The following NUDT3 variants were observed in gnomAD, a reference collection of about 807,000 sequenced individuals.
NUDT3 encodes the protein nudix hydrolase 3, also known as diphosphoinositol polyphosphate phosphohydrolase 1.
NUDT3 carries 9 observed loss-of-function variants against 23.6 expected under a neutral mutation model. That is an observed-to-expected ratio of 0.38 (90% CI 0.23 to 0.66). The LOEUF is 0.66. Ranked by LOEUF, NUDT3 falls within the 30% of genes least tolerant of loss-of-function variation. NUDT3 has a pLI of 0.52. For synonymous variants in NUDT3, 86 were observed against 82.6 expected (o/e 1.04, Z -0.22); for missense variants, 172 against 218.5 (o/e 0.79, Z 1.34).
At chr6:34,289,573 G>T (rs1298543947) in intron 4 of NUDT3, among the ~76,000 whole-genome samples, 1 of 152,130 alleles carries the variant, frequency 6.6e-6, no homozygotes, top group Non-Finnish European at 1.5e-5. Flanking sequence ...CCCAAGGGGG[G>T]AAAAATCAAC....
rs140058263 is a variant in NUDT3 at position 34,376,354 on chromosome 6, G to C, written c.99+15910C>G. Reference sequence around the variant, plus strand: ...CCAGGCTCAAGTGCAATGGCATCTAGTGCAGCCTCGATCTCCCAGGCTCAA... The same window carrying C: ...CCAGGCTCAAGTGCAATGGCATCTACTGCAGCCTCGATCTCCCAGGCTCAA... On this transcript the variant is annotated intron_variant, in intron 1 of 4. Transcript: ENST00000607016. 9.2e-3 allele frequency among the ~76,000 whole-genome samples: 1,400 copies of C among 152,054 alleles called. 15 individuals carry two copies. Among genetic ancestry groups the C allele is most frequent in the Middle Eastern group, 0.024 (7 of 292 alleles).
At chr6:34,391,458 T>C (rs1373884349) in intron 1 of NUDT3, among the ~76,000 whole-genome samples, 4 of 152,198 alleles carry the variant, frequency 2.6e-5, no homozygotes, top group Non-Finnish European at 5.9e-5. Flanking sequence ...GCCGAGATTT[T>C]TTTTTAAAGT....
At chr6:34,289,539 C>G (rs1339586541) in intron 4 of NUDT3, among the ~76,000 whole-genome samples, 2 of 152,166 alleles carry the variant, frequency 1.3e-5, no homozygotes, top group East Asian at 3.9e-4. Flanking sequence ...TGCACTCCAG[C>G]AGGGTGACAG....
intron 1 of NUDT3, among the ~76,000 whole-genome samples, chr6:34,358,291 A>C (rs547785639): frequency 4.1e-4 from 61 of 150,078 alleles, no homozygotes; most frequent in South Asian, 8.5e-4. Context: ...ACACACACAC[A>C]CCCCTTATAA....
rs550442499 is a variant in NUDT3, at chr6:34,369,498, C to T, written c.99+22766G>A. Among the ~76,000 whole-genome samples, 5 of 152,228 alleles carry T rather than the reference C, an allele frequency of 3.3e-5. No individual in the cohort carries two copies. The South Asian group carries it at 1.0e-3, about 32-fold the overall frequency. On this transcript the variant is annotated intron_variant, in intron 1 of 4. Transcript: ENST00000607016. Reference sequence around the variant, plus strand: ...ACAATGGTAAGCAAGACAGAGGAGACGGCTGCTCTGATGAAGTCACAGTTA... The same window carrying T: ...ACAATGGTAAGCAAGACAGAGGAGATGGCTGCTCTGATGAAGTCACAGTTA...
chr6:34,388,693 G>T (rs1765148773), intron 1 of NUDT3, among the ~76,000 whole-genome samples: 1 of 152,154 alleles, frequency 6.6e-6, no homozygotes. Context: ...CTGCAAGAAG[G>T]GATGCTAATA....
chr6:34,360,295 C>A (rs1309692455), intron 1 of NUDT3, among the ~76,000 whole-genome samples: 2 of 149,330 alleles, frequency 1.3e-5, no homozygotes, highest in African/African-American at 2.4e-5. Flanking sequence ...AAACAAACGC[C>A]GGGCACAGTG....
intron 1 of NUDT3, among the ~76,000 whole-genome samples, chr6:34,379,405 C>T (rs13218416): frequency 1.9e-3 from 293 of 151,346 alleles, no homozygotes; most frequent in Middle Eastern, 6.8e-3. Flanking sequence ...ACTAAAAATA[C>T]AAAAATTAGC....
At position 34,381,280 on chromosome 6, in the gene NUDT3, G is replaced by C. The variant is rs188614083; in HGVS notation, c.99+10984C>G. ...CAATCCTCCCACTCGGCTTCCCAAA[G>C]GGCTAAGATTGCAGGTGTGAGTCAC... On this transcript the variant is annotated intron_variant, in intron 1 of 4. Coordinates refer to ENST00000607016, the MANE Select transcript of NUDT3 (RefSeq NM_006703.4). Among the ~76,000 whole-genome samples the C allele has an allele frequency of 5.5e-3, 843 of 152,146 alleles. 11 individuals carry two copies. The highest frequency in any genetic ancestry group is 4.8e-3 in the Non-Finnish European group (327 of 68,020).
At chr6:34,375,730 T>C (rs1164851989) in intron 1 of NUDT3, among the ~76,000 whole-genome samples, 2 of 152,182 alleles carry the variant, frequency 1.3e-5, no homozygotes, top group South Asian at 2.1e-4. Context: ...CCGAAGAAAA[T>C]GTGCTTCTTT....
At chr6:34,381,537 A>G (rs1424526067) in intron 1 of NUDT3, among the ~76,000 whole-genome samples, 4 of 152,146 alleles carry the variant, frequency 2.6e-5, no homozygotes, top group Non-Finnish European at 5.9e-5. Context: ...CCACAGAAAT[A>G]CAATTATTAT....
At chr6:34,300,942 G>A (rs1763589038) in intron 2 of NUDT3, among the ~76,000 whole-genome samples, 1 of 151,944 alleles carries the variant, frequency 6.6e-6, no homozygotes, top group South Asian at 2.1e-4. Context: ...TTACTACTTG[G>A]GTATGTATCC....
intron 2 of NUDT3, 136 bp from the exon 3 acceptor site, chr6:34,295,821 G>T: frequency 2.1e-6 from 2 of 965,732 alleles, no homozygotes; most frequent in Non-Finnish European, 3.1e-6. Context: ...GATCTGTGAA[G>T]TGATACCAGT....
rs771584490 is a variant in NUDT3 at position 34,392,246 on chromosome 6, C to A, written c.99+18G>T. ...CCGGAGACCCGGCGACCCCGGCCCG[C>A]CCAGCCTGCCGCCTCACCTCCTCCT... On this transcript the variant is annotated intron_variant, in intron 1 of 4. Transcript: ENST00000607016. 8 of 1,567,690 alleles carry A rather than the reference C, an allele frequency of 5.1e-6. No individual in the cohort carries two copies. The East Asian group carries it at 1.2e-4, about 23-fold the overall frequency.
At position 34,369,648 on chromosome 6, in the gene NUDT3, C is replaced by T. The variant is rs79559690; in HGVS notation, c.99+22616G>A. ...GAGGGCAACATCAAAGACAGGGAAGCCTTTGGTCTAAGAAAAATCAACATA... is the reference window on the plus strand; with the variant it reads ...GAGGGCAACATCAAAGACAGGGAAGTCTTTGGTCTAAGAAAAATCAACATA... On this transcript the variant is annotated intron_variant, in intron 1 of 4. Coordinates refer to ENST00000607016, the MANE Select transcript of NUDT3 (RefSeq NM_006703.4). Among the ~76,000 whole-genome samples the T allele has an allele frequency of 8.5e-3, 1,295 of 152,256 alleles. 11 individuals are homozygous for T. Among genetic ancestry groups the T allele is most frequent in the African/African-American group, 0.024 (1,002 of 41,552 alleles).
chr6:34,369,686 C>A (rs973783104), intron 1 of NUDT3, among the ~76,000 whole-genome samples: 1 of 152,180 alleles, frequency 6.6e-6, no homozygotes, highest in African/African-American at 2.4e-5. Context: ...GATCTAAAGT[C>A]ATTTACCATG....
At chr6:34,353,568 A>G (rs1488651573) in intron 1 of NUDT3, among the ~76,000 whole-genome samples, 1 of 151,768 alleles carries the variant, frequency 6.6e-6, no homozygotes, top group Admixed American at 6.6e-5. Context: ...CATCCAGCTA[A>G]TTTTTCTATT....
rs140351498 is a variant in NUDT3, at chr6:34,388,355, G to T, written c.99+3909C>A. Among the ~76,000 whole-genome samples, 5 of 152,096 alleles carry T rather than the reference G, an allele frequency of 3.3e-5. No homozygotes were observed. The East Asian group carries it at 9.7e-4, about 29-fold the overall frequency. ...ACATTGCTTAAATTTATAAATCAAG[G>T]TCCTATTTATACTTATATTACTACT... is the stretch of plus-strand genomic sequence containing the variant. On this transcript the variant is annotated intron_variant, in intron 1 of 4. Coordinates refer to ENST00000607016, the MANE Select transcript of NUDT3 (RefSeq NM_006703.4).
intron 2 of NUDT3, 44 bp from the exon 3 acceptor site, chr6:34,295,729 TG>T: frequency 6.2e-7 from 1 of 1,608,726 alleles, no homozygotes; most frequent in Non-Finnish European, 8.5e-7. Flanking sequence ...AGTATTATAT[TG>T]CTGGTCTCAT....
Sources: gnomAD v4.1 joint callset for allele counts (sites outside exome capture counted in the v4.1 genomes callset) on GRCh38, gnomAD v4.1.1 for gene constraint, MANE v1.5 for transcripts, NCBI Gene and HGNC (gene_info 2026-07-23, HGNC 2026-07-21) for gene names.